Variants in PTPRM observed in about 807,000 individuals in gnomAD.
The protein encoded by PTPRM is receptor-type tyrosine-protein phosphatase mu.
A neutral mutation model predicts 186.7 loss-of-function variants in PTPRM; 47 were observed. That is an observed-to-expected ratio of 0.25 (90% CI 0.20 to 0.32). The LOEUF is 0.32. Ranked by LOEUF, PTPRM falls within the 10% of genes least tolerant of loss-of-function variation. PTPRM has a pLI of 1.00. For synonymous variants in PTPRM, 668 were observed against 674.9 expected (o/e 0.99, Z 0.16); for missense variants, 1,494 against 1,865.0 (o/e 0.80, Z 3.66).
At chr18:7,812,591 T>C (rs1437898891) in intron 2 of PTPRM, among the ~76,000 whole-genome samples, 2 of 152,150 alleles carry the variant, frequency 1.3e-5, no homozygotes, top group East Asian at 3.9e-4. Context: ...CAGAGTATGA[T>C]GGATTGTCAT....
At chr18:8,396,414 T>C (rs768088833) in intron 32 of PTPRM, among the ~76,000 whole-genome samples, 2 of 152,164 alleles carry the variant, frequency 1.3e-5, no homozygotes, top group Non-Finnish European at 2.9e-5. Context: ...ATTAAGCACA[T>C]CATTAGAAAC....
At chr18:8,308,490 A>G (rs1412097574) in intron 20 of PTPRM, among the ~76,000 whole-genome samples, 2 of 152,242 alleles carry the variant, frequency 1.3e-5, no homozygotes, top group African/African-American at 4.8e-5. Flanking sequence ...AAATTACTTA[A>G]GTTTAGTAAT....
intron 2 of PTPRM, among the ~76,000 whole-genome samples, chr18:7,868,240 G>T (rs566688110): frequency 6.6e-6 from 1 of 152,192 alleles, no homozygotes; most frequent in Non-Finnish European, 1.5e-5. Context: ...TTCCCCACTG[G>T]TGAGGAGTTG....
chr18:7,596,679 A>G (rs1234065865), intron 1 of PTPRM, among the ~76,000 whole-genome samples: 1 of 152,054 alleles, frequency 6.6e-6, no homozygotes, highest in Non-Finnish European at 1.5e-5. Flanking sequence ...TAGGTCTTGG[A>G]ACCTATTTTT....
At chr18:7,814,069 T>C (rs943628139) in intron 2 of PTPRM, 1 of 152,268 alleles carries the variant, frequency 6.6e-6, no homozygotes, top group African/African-American at 2.4e-5. Context: ...TCTTCAAATA[T>C]TTAACACTTT....
At chr18:7,648,915 A>T (rs2038629949) in intron 1 of PTPRM, among the ~76,000 whole-genome samples, 1 of 152,220 alleles carries the variant, frequency 6.6e-6, no homozygotes, top group African/African-American at 2.4e-5. Context: ...AGTGAAGATA[A>T]ATTAGCCTTC....
intron 22 of PTPRM, among the ~76,000 whole-genome samples, chr18:8,334,077 G>A (rs1444711844): frequency 6.6e-6 from 1 of 152,206 alleles, no homozygotes; most frequent in Non-Finnish European, 1.5e-5. Flanking sequence ...GGCTGGAGTA[G>A]GTGCCTCACA....
In PTPRM at chr18:8,390,354, C is replaced by T. The variant is rs148711143; in HGVS notation, c.4208+3119C>T. On this transcript the variant is annotated intron_variant, in intron 31 of 32. Transcript: ENST00000580170. ...AAGAAAACATAGGAGAATATCTTCA[C>T]GACCGCGGGTAGATTTGTTAAACAG... Among the ~76,000 whole-genome samples the T allele has an allele frequency of 3.4e-3, 523 of 152,326 alleles. 4 individuals carry two copies. The highest frequency in any genetic ancestry group is 0.011 in the African/African-American group (474 of 41,560).
At chr18:8,286,254 A>G (rs571545664) in intron 19 of PTPRM, among the ~76,000 whole-genome samples, 1 of 152,308 alleles carries the variant, frequency 6.6e-6, no homozygotes, top group East Asian at 1.9e-4. Flanking sequence ...ACATTAGTGA[A>G]ATGAGTAACG....
At chr18:7,822,581 G>A (rs1479502924) in intron 2 of PTPRM, among the ~76,000 whole-genome samples, 1 of 152,196 alleles carries the variant, frequency 6.6e-6, no homozygotes, top group Non-Finnish European at 1.5e-5. Context: ...TGTTCTGTGG[G>A]TGGGAGAGGA....
intron 7 of PTPRM, among the ~76,000 whole-genome samples, chr18:8,039,024 T>TA (rs1286052056): frequency 7.2e-5 from 11 of 152,276 alleles, no homozygotes; most frequent in African/African-American, 2.4e-4. Flanking sequence ...CCTGATACAT[T>TA]TTATGATTTT....
At position 8,130,364 on chromosome 18, in the gene PTPRM, A is replaced by G. The variant is rs549435457; in HGVS notation, c.2168-13283A>G. Among the ~76,000 whole-genome samples, 30 of 152,302 alleles carry G rather than the reference A, an allele frequency of 2.0e-4. No homozygotes were observed. The South Asian group carries it at 6.0e-3, about 30-fold the overall frequency. ...TTGTTGACTGGAAAGCCTGGGCTCC[A>G]TGAAACCGCAAGGCCAAGCATGGTG... On this transcript the variant is annotated intron_variant, in intron 13 of 32. Transcript: ENST00000580170.
chr18:7,769,223 T>G (rs554017671), intron 1 of PTPRM, among the ~76,000 whole-genome samples: 1 of 152,242 alleles, frequency 6.6e-6, no homozygotes, highest in Non-Finnish European at 1.5e-5. Context: ...GTTTGGGAGA[T>G]ACTATCCTGT....
intron 13 of PTPRM, among the ~76,000 whole-genome samples, chr18:8,126,349 C>G (rs553522718): frequency 2.0e-5 from 3 of 151,784 alleles, no homozygotes; most frequent in East Asian, 1.9e-4. Flanking sequence ...CAAAATATCT[C>G]TTTTTAATAT....
At chr18:7,927,644 C>T (rs2051253830) in intron 5 of PTPRM, among the ~76,000 whole-genome samples, 2 of 152,136 alleles carry the variant, frequency 1.3e-5, no homozygotes, top group Admixed American at 6.5e-5. Flanking sequence ...TCCTGTCATG[C>T]CTCGCAGTGT....
chr18:7,848,377 T>C (rs926574077), intron 2 of PTPRM, among the ~76,000 whole-genome samples: 4 of 152,238 alleles, frequency 2.6e-5, no homozygotes, highest in Non-Finnish European at 4.4e-5. Flanking sequence ...ATAAAACTTA[T>C]GCAAGAATAG....
At chr18:7,919,709 A>G (rs12960805) in intron 4 of PTPRM, among the ~76,000 whole-genome samples, 59,109 of 152,052 alleles carry the variant, frequency 0.39, 14,357 homozygotes, top group Non-Finnish European at 0.53. Flanking sequence ...GAAATGTTCT[A>G]TAGACGTCAG....
chr18:7,606,188 C>T (rs140235181), intron 1 of PTPRM, among the ~76,000 whole-genome samples: 131 of 152,032 alleles, frequency 8.6e-4, no homozygotes, highest in African/African-American at 3.0e-3. Flanking sequence ...AGACTCCTCT[C>T]GTGAATAGTT....
At chr18:7,761,505 G>A (rs552285522) in intron 1 of PTPRM, among the ~76,000 whole-genome samples, 1 of 152,006 alleles carries the variant, frequency 6.6e-6, no homozygotes. Context: ...GCCTTATTAC[G>A]CACATTCTTA....
Sources: allele counts gnomAD v4.1 joint callset (sites outside exome capture counted in the v4.1 genomes callset), GRCh38; gene constraint gnomAD v4.1.1; transcripts MANE v1.5; gene names NCBI Gene and HGNC (gene_info 2026-07-23, HGNC 2026-07-21).